Variants in DCHS2 observed in about 807,000 individuals in gnomAD.
DCHS2 encodes dachsous cadherin-related 2, also known as protocadherin-23.
DCHS2 carries 142 observed loss-of-function variants against 182.4 expected under a neutral mutation model. The ratio of observed to expected loss-of-function variants is 0.78; its 90% CI spans 0.68 to 0.89. The LOEUF is 0.89. Ranked by LOEUF, DCHS2 falls within the 40% of genes least tolerant of loss-of-function variation. The probability of loss-of-function intolerance (pLI) is 0.00; values close to 1 mark genes in which losing one functional copy is unlikely to be tolerated. For missense variants in DCHS2, 4,319 were observed against 4,198.6 expected (o/e 1.03, Z -0.79); for synonymous variants, 1,740 against 1,663.3 (o/e 1.05, Z -1.12).
At chr4:154,439,450 T>A (rs921576804) in intron 1 of DCHS2, among the ~76,000 whole-genome samples, 2 of 152,200 alleles carry the variant, frequency 1.3e-5, no homozygotes, top group African/African-American at 4.8e-5. Context: ...ACTTGTTTTT[T>A]AGTTAATATT....
intron 1 of DCHS2, among the ~76,000 whole-genome samples, chr4:154,432,340 A>T (rs915728158): frequency 2.0e-5 from 3 of 152,208 alleles, no homozygotes; most frequent in East Asian, 3.8e-4. Context: ...ATTTAATTTT[A>T]AAAAATTAAA....
intron 1 of DCHS2, among the ~76,000 whole-genome samples, chr4:154,463,987 T>A (rs1359019974): frequency 1.3e-5 from 2 of 152,164 alleles, no homozygotes; most frequent in African/African-American, 4.8e-5. Flanking sequence ...AGTTCCCTAT[T>A]ACCCAAGTAA....
intron 1 of DCHS2, among the ~76,000 whole-genome samples, chr4:154,430,304 A>G (rs539389018): frequency 5.9e-5 from 9 of 152,216 alleles, no homozygotes; most frequent in Non-Finnish European, 1.3e-4. Flanking sequence ...AAAAGTTTTC[A>G]GAGTCCAACT....
chr4:154,383,077 G>A (rs1164410176), intron 1 of DCHS2, among the ~76,000 whole-genome samples: 1 of 152,090 alleles, frequency 6.6e-6, no homozygotes, highest in Non-Finnish European at 1.5e-5. Flanking sequence ...CAAAAACATA[G>A]AATCAACCTA....
intron 3 of DCHS2, among the ~76,000 whole-genome samples, chr4:154,335,415 C>A (rs868847098): frequency 1.2e-4 from 18 of 152,322 alleles, no homozygotes; most frequent in Admixed American, 3.9e-4. Context: ...GCTCCTGCTC[C>A]CAACCTGGGG....
intron 16 of DCHS2, among the ~76,000 whole-genome samples, chr4:154,247,822 C>T (rs1220499109): frequency 6.6e-6 from 1 of 152,114 alleles, no homozygotes; most frequent in Non-Finnish European, 1.5e-5. Flanking sequence ...CATTTTCAGA[C>T]ATGCAAAGGC....
chr4:154,265,840 G>A (rs1733227078), intron 14 of DCHS2, among the ~76,000 whole-genome samples: 1 of 152,094 alleles, frequency 6.6e-6, no homozygotes, highest in Non-Finnish European at 1.5e-5. Context: ...TTCTAGTACA[G>A]TAGTTCCCCC....
At chr4:154,295,491 A>C (rs530511767) in intron 13 of DCHS2, among the ~76,000 whole-genome samples, 4 of 152,330 alleles carry the variant, frequency 2.6e-5, no homozygotes, top group African/African-American at 9.6e-5. Flanking sequence ...TTATGGAGAA[A>C]TTCATCTCCT....
chr4:154,305,269 C>A (rs12507663), intron 10 of DCHS2, 38 bp from the exon 11 acceptor site: 513,595 of 1,584,410 alleles, frequency 0.32, 86,273 homozygotes, highest in East Asian at 0.39. Flanking sequence ...GCAATCATTT[C>A]TTTGAAATAC....
chr4:154,331,651 T>G lies in DCHS2; in HGVS notation c.3730+827A>C. On this transcript the variant is annotated intron_variant, in intron 5 of 19. Coordinates refer to ENST00000357232, the MANE Select transcript of DCHS2 (RefSeq NM_001358235.2). Reference sequence around the variant, plus strand: ...AAGTTCATCAGAACTGAATGCAAAGTCTGTCCCACTAAAGGCAGCAGCACC... The same window carrying G: ...AAGTTCATCAGAACTGAATGCAAAGGCTGTCCCACTAAAGGCAGCAGCACC... 1.9e-6 allele frequency: 3 copies of G among 1,614,000 alleles called. No homozygotes were observed. The Middle Eastern group carries it at 5.0e-4, about 267-fold the overall frequency.
intron 1 of DCHS2, among the ~76,000 whole-genome samples, chr4:154,420,246 C>T (rs369750426): frequency 3.2e-4 from 46 of 144,748 alleles, no homozygotes; most frequent in African/African-American, 1.1e-3. Context: ...GACAGACAGA[C>T]AGATAGATAG....
chr4:154,421,441 C>G (rs902458069), intron 1 of DCHS2, among the ~76,000 whole-genome samples: 1 of 152,022 alleles, frequency 6.6e-6, no homozygotes, highest in Non-Finnish European at 1.5e-5. Context: ...GTCACCCAGG[C>G]TGGAGTGCAA....
intron 1 of DCHS2, among the ~76,000 whole-genome samples, chr4:154,444,608 G>C (rs577051127): frequency 2.6e-5 from 4 of 152,176 alleles, no homozygotes; most frequent in African/African-American, 9.6e-5. Flanking sequence ...GGCTCTCCCT[G>C]CTTGGAATCA....
intron 3 of DCHS2, chr4:154,354,852 C>T (rs906103932): frequency 7.2e-5 from 11 of 152,192 alleles, no homozygotes; most frequent in African/African-American, 2.4e-4. Context: ...AGTATGACAA[C>T]AAAGCACAAC....
chr4:154,372,776 C>T (rs965183053), intron 2 of DCHS2, among the ~76,000 whole-genome samples: 6 of 152,084 alleles, frequency 3.9e-5, no homozygotes, highest in Admixed American at 3.3e-4. Flanking sequence ...AGATAAATAG[C>T]AGCAGCAGTA....
chr4:154,374,160 A>T (rs1170772978), intron 2 of DCHS2: 1 of 526,976 alleles, frequency 1.9e-6, no homozygotes, highest in African/African-American at 2.0e-5. Flanking sequence ...ACAGGTTATG[A>T]GCATTTGCAG....
chr4:154,323,398 T>C, intron 7 of DCHS2: 2 of 1,533,136 alleles, frequency 1.3e-6, no homozygotes, highest in East Asian at 2.5e-5. Flanking sequence ...TGTGCCATGA[T>C]AGCTCACTGC....
intron 1 of DCHS2, among the ~76,000 whole-genome samples, chr4:154,453,313 T>G: frequency 1.4e-5 from 2 of 138,536 alleles, no homozygotes; most frequent in Non-Finnish European, 3.1e-5. Context: ...GCATCCTAGA[T>G]GTGAAATCTA....
chr4:154,491,745 G>A lies in DCHS2; in HGVS notation c.-390C>T. On this transcript the variant is annotated 5_prime_UTR_variant, in exon 1 of 20. Transcript: ENST00000357232. Reference sequence around the variant, plus strand: ...TTTGCCAAAAAGGAGGAGATTATATGAAGCGCGCACACACAAGGAGAGGAT... The same window carrying A: ...TTTGCCAAAAAGGAGGAGATTATATAAAGCGCGCACACACAAGGAGAGGAT... The A allele has an allele frequency of 9.8e-7, 1 of 1,018,318 alleles. No individual in the cohort carries two copies. Among genetic ancestry groups the A allele is most frequent in the Non-Finnish European group, 1.2e-6 (1 of 852,720 alleles). 63.1% of individuals were successfully genotyped at this position (1,018,318 alleles called of 1,614,324 possible).
Sources: gnomAD v4.1 joint callset for allele counts (sites outside exome capture counted in the v4.1 genomes callset) on GRCh38, gnomAD v4.1.1 for gene constraint, MANE v1.5 for transcripts, NCBI Gene and HGNC (gene_info 2026-07-23, HGNC 2026-07-21) for gene names.